Variants in SPPL2B observed in about 807,000 individuals in gnomAD.
SPPL2B encodes signal peptide peptidase-like 2B.
A neutral mutation model predicts 59.7 loss-of-function variants in SPPL2B; 39 were observed. The ratio of observed to expected loss-of-function variants is 0.65; its 90% CI spans 0.51 to 0.85. SPPL2B has a LOEUF of 0.85. Among genes scored for constraint, SPPL2B ranks in the 40% least tolerant of loss-of-function variants. SPPL2B has a pLI of 0.00. For missense variants in SPPL2B, 865 were observed against 849.0 expected, an observed-to-expected ratio of 1.02 and a Z score of -0.23; for synonymous variants, 419 against 370.8, an observed-to-expected ratio of 1.13 and a Z score of -1.49.
rs1969165482 is a variant in SPPL2B at position 2,343,302 on chromosome 19, G to A, written c.1038+10G>A. ...TCTGCCCACCTTCAAGGTGAGTGCA[G>A]GGAGGGCACGGCTGCGGGGCAGCAT... On this transcript the variant is annotated intron_variant, in intron 9 of 14. Transcript: ENST00000613503. The A allele has an allele frequency of 6.5e-7, 1 of 1,550,356 alleles. No homozygotes were observed. Among genetic ancestry groups the A allele is most frequent in the Non-Finnish European group, 8.7e-7 (1 of 1,146,136 alleles).
intron 10 of SPPL2B, 86 bp downstream of exon 10, chr19:2,344,125 C>T: frequency 1.4e-6 from 1 of 698,268 alleles, no homozygotes; most frequent in South Asian, 1.8e-5. Context: ...CCCCCATCAC[C>T]CCGCCCCCTC....
In SPPL2B at chr19:2,352,028, C is replaced by T. The variant is rs548635339; in HGVS notation, c.1515+434C>T. Among the ~76,000 whole-genome samples the T allele has an allele frequency of 6.6e-5, 10 of 152,280 alleles. No homozygotes were observed. In the South Asian group the frequency reaches 1.2e-3, roughly 19 times the overall value. Reference sequence around the variant, plus strand: ...GGGGGTGGGGCCGCAGGGCCCTGGACGAGGGGAGCAGGCCTGCCCTGGCTG... The same window carrying T: ...GGGGGTGGGGCCGCAGGGCCCTGGATGAGGGGAGCAGGCCTGCCCTGGCTG... On this transcript the variant is annotated intron_variant, in intron 14 of 14. Transcript: ENST00000613503.
In SPPL2B at chr19:2,352,948, A is replaced by G. The variant is rs776705508; in HGVS notation, c.1518A>G (p.Lys506=). ...CCTCTGCCTCCCTTCTCCTGTAGAA[A>G]GTCCTACCTCCATCTCCGTGGGCCC... ...GVFWTGSGFA[K]VLPPSPWAPA... Residue 506 remains lysine (K), a splice_region_variant and synonymous_variant, in exon 15 of 15, where the codon AAA becomes AAG. Transcript: ENST00000613503. 8.1e-6 allele frequency: 13 copies of G among 1,611,904 alleles called. No individual in the cohort carries two copies. The highest frequency in any genetic ancestry group is 1.1e-5 in the Non-Finnish European group (13 of 1,179,632).
intron 8 of SPPL2B, 53 bp downstream of exon 8, chr19:2,341,067 C>A: frequency 7.7e-7 from 1 of 1,299,328 alleles, no homozygotes; most frequent in Non-Finnish European, 1.1e-6. Context: ...TCGGGTGCAC[C>A]AGGGCTCCTG....
intron 2 of SPPL2B, 41 bp downstream of exon 2, chr19:2,334,762 CG>C (rs1221766768): frequency 4.1e-6 from 6 of 1,480,230 alleles, no homozygotes; most frequent in Admixed American, 2.4e-5. Flanking sequence ...GAGGAGAATG[CG>C]GGGGCCCCGG....
chr19:2,343,855 T>A, intron 9 of SPPL2B, 110 bp from the exon 10 acceptor site: 1 of 801,190 alleles, frequency 1.2e-6, no homozygotes, highest in Non-Finnish European at 2.1e-6. Flanking sequence ...CACGCTCTGC[T>A]CAGGTTCCTT....
intron 13 of SPPL2B, among the ~76,000 whole-genome samples, chr19:2,347,273 C>T (rs574328279): frequency 1.2e-4 from 16 of 131,462 alleles, no homozygotes; most frequent in Admixed American, 3.0e-4. Flanking sequence ...CACACACTCA[C>T]GCACTCTCAT....
Position 2,353,285 on chromosome 19 carries a change from CAG to C in SPPL2B, c.*78_*79del. ...CTGCCTGGCGCCCACTGGAGACAGA[CAG>C]ACAGACGCCTGTCCCCCGGGACCGA... On this transcript the variant is annotated 3_prime_UTR_variant, in exon 15 of 15. Coordinates refer to ENST00000613503, the MANE Select transcript of SPPL2B (RefSeq NM_152988.3). 1 of 1,486,728 alleles carries C rather than the reference CAG, an allele frequency of 6.7e-7. No homozygotes were observed. The highest frequency in any genetic ancestry group is 2.3e-5 in the East Asian group (1 of 42,990). 92.1% of individuals were successfully genotyped at this position (1,486,728 alleles called of 1,614,324 possible). A position where few individuals can be genotyped will look rare whatever the true frequency, so the allele number is the denominator to read the frequency against.
intron 14 of SPPL2B, among the ~76,000 whole-genome samples, chr19:2,352,249 C>T (rs997671131): frequency 2.0e-5 from 3 of 152,132 alleles, no homozygotes; most frequent in Non-Finnish European, 2.9e-5. Context: ...GCATTGCGCC[C>T]GAGAGCTGCC....
At chr19:2,338,521 G>A in intron 3 of SPPL2B, 1 of 503,020 alleles carries the variant, frequency 2.0e-6, no homozygotes. Context: ...GCGCTTTTAG[G>A]CCTGGGGCCC....
intron 11 of SPPL2B, 42 bp from the exon 12 acceptor site, chr19:2,344,511 G>A: frequency 6.3e-7 from 1 of 1,590,478 alleles, no homozygotes; most frequent in Non-Finnish European, 8.6e-7. Context: ...CCGCGGCCGG[G>A]TGAGGGTCCT....
At chr19:2,345,568 A>AC (rs1213755645) in intron 13 of SPPL2B, among the ~76,000 whole-genome samples, 2 of 88,860 alleles carry the variant, frequency 2.3e-5, no homozygotes, top group African/African-American at 4.7e-5. Flanking sequence ...TGTGCCTGCA[A>AC]CCCCCTCTTT....
chr19:2,331,876 G>A (rs1968309547), intron 1 of SPPL2B, among the ~76,000 whole-genome samples: 1 of 152,266 alleles, frequency 6.6e-6, no homozygotes, highest in Non-Finnish European at 1.5e-5. Flanking sequence ...AATGGGCTTG[G>A]CTGTGTTCCA....
At position 2,339,102 on chromosome 19, in the gene SPPL2B, G is replaced by A. The variant is rs1968847391; in HGVS notation, c.493G>A (p.Ala165Thr). The change falls in exon 5 of 15, where the codon GCG (alanine) becomes ACG (threonine). Residue 165 changes from alanine to threonine, a missense_variant. Ala to Thr is a moderately conservative substitution (Grantham distance 58, BLOSUM62 0). Transcript: ENST00000613503. ...CCGCACGGTGAGGGCGGCGCTGTAT[G>A]CGCCTAAGGAGCCGGTGCTGGACTA... is the stretch of plus-strand genomic sequence containing the variant. ...FGRTVRAALY[A>T]PKEPVLDYNM... 1 of 1,572,406 alleles carries A rather than the reference G, an allele frequency of 6.4e-7. No homozygotes were observed. Among genetic ancestry groups the A allele is most frequent in the African/African-American group, 1.4e-5 (1 of 74,058 alleles).
In SPPL2B at chr19:2,328,782, GCGGCACCGGTCCCGA is replaced by G; in HGVS notation, c.66+16_66+30del. 1 of 1,422,134 alleles carries G rather than the reference GCGGCACCGGTCCCGA, an allele frequency of 7.0e-7. No individual in the cohort carries two copies. 88.1% of individuals were successfully genotyped at this position (1,422,134 alleles called of 1,614,324 possible). On this transcript the variant is annotated splice_region_variant and intron_variant, in intron 1 of 14. Coordinates refer to ENST00000613503, the MANE Select transcript of SPPL2B (RefSeq NM_152988.3). The stretch of plus-strand genomic sequence containing the variant: ...TCTGCTCCTCGCGGCCCAGGTGAGC[GCGGCACCGGTCCCGA>G]CGGCACCGCGGGCTGCGGCCCTTCG...
intron 13 of SPPL2B, among the ~76,000 whole-genome samples, chr19:2,350,072 G>A (rs1212182337): frequency 2.9e-5 from 4 of 139,898 alleles, no homozygotes; most frequent in Admixed American, 1.5e-4. Context: ...ACACTCACGC[G>A]CTCTCATTCG....
rs371821534 is a variant in SPPL2B, at chr19:2,331,704, C to T, written c.67-2898C>T. On this transcript the variant is annotated intron_variant, in intron 1 of 14. Coordinates refer to ENST00000613503, the MANE Select transcript of SPPL2B (RefSeq NM_152988.3). ...ATCAGTTCCCATTTTACACAAAAGA[C>T]ACTTTTCACCAGAGTCCCTGATCCC... 4.3e-4 allele frequency among the ~76,000 whole-genome samples: 66 copies of T among 152,326 alleles called. 2 individuals carry two copies. In the South Asian group the frequency reaches 0.013, roughly 30 times the overall value.
rs749172549 is a variant in SPPL2B, at chr19:2,343,951, C to G, written c.1039-14C>G. The G allele has an allele frequency of 6.5e-7, 1 of 1,546,206 alleles. No individual in the cohort carries two copies. The highest frequency in any genetic ancestry group is 2.4e-5 in the East Asian group (1 of 40,884). ...GGCCGGGGTGGGGGCCGCCCTCAGC[C>G]GTGGGCTTCGCAGGCCTGCACGCTG... On this transcript the variant is annotated splice_polypyrimidine_tract_variant and intron_variant, in intron 9 of 14. Transcript: ENST00000613503.
chr19:2,341,180 G>A (rs745884352), intron 8 of SPPL2B, 166 bp downstream of exon 8: 49 of 699,450 alleles, frequency 7.0e-5, no homozygotes, highest in African/African-American at 2.1e-4. Context: ...ACAGGGCTGC[G>A]AGGGCGTTTC....
Sources: gnomAD v4.1 joint callset for allele counts (sites outside exome capture counted in the v4.1 genomes callset) on GRCh38, gnomAD v4.1.1 for gene constraint, MANE v1.5 for transcripts, NCBI Gene and HGNC (gene_info 2026-07-23, HGNC 2026-07-21) for gene names.